The following SCNN1B variants were observed in gnomAD, a reference collection of about 807,000 sequenced individuals.
SCNN1B encodes epithelial sodium channel subunit beta.
SCNN1B carries 46 observed loss-of-function variants against 65.3 expected under a neutral mutation model. That is an observed-to-expected ratio of 0.70 (90% CI 0.56 to 0.90). SCNN1B has a LOEUF of 0.90. SCNN1B is among the 40% of genes least tolerant of loss of function. The pLI is 0.00. For missense variants in SCNN1B, 751 were observed against 830.5 expected (o/e 0.90, Z 1.18); for synonymous variants, 349 against 330.6 (o/e 1.06, Z -0.60).
intron 2 of SCNN1B, among the ~76,000 whole-genome samples, chr16:23,290,083 C>T (rs1325332044): frequency 6.6e-6 from 1 of 152,140 alleles, no homozygotes. Flanking sequence ...AGAACATGCA[C>T]CCAGTAGAAA....
intron 1 of SCNN1B, among the ~76,000 whole-genome samples, chr16:23,320,695 A>T (rs1370468492): frequency 6.6e-6 from 1 of 152,262 alleles, no homozygotes; most frequent in Admixed American, 6.5e-5. Flanking sequence ...AGGAGCTCTC[A>T]CATTAGACAC....
chr16:23,315,821 A>G (rs1004737650), intron 1 of SCNN1B, among the ~76,000 whole-genome samples: 1 of 152,150 alleles, frequency 6.6e-6, no homozygotes, highest in Non-Finnish European at 1.5e-5. Context: ...AAGTACAGGC[A>G]TAGGGAGCAA....
intron 1 of SCNN1B, among the ~76,000 whole-genome samples, chr16:23,309,020 C>T (rs1961280878): frequency 6.6e-6 from 1 of 152,126 alleles, no homozygotes; most frequent in Non-Finnish European, 1.5e-5. Flanking sequence ...GTCTGACTTG[C>T]ACTAGAAGGG....
intron 8 of SCNN1B, 27 bp downstream of exon 8, chr16:23,375,882 C>G (rs201655495): frequency 7.0e-6 from 10 of 1,431,070 alleles, no homozygotes; most frequent in Non-Finnish European, 9.9e-6. Context: ...GGGATCGGCA[C>G]TCCAGCCATC....
chr16:23,362,661 A>C (rs1962576080), intron 4 of SCNN1B, among the ~76,000 whole-genome samples: 1 of 152,204 alleles, frequency 6.6e-6, no homozygotes, highest in Non-Finnish European at 1.5e-5. Flanking sequence ...GAAGAGTATT[A>C]TCAACAAGCA....
At position 23,348,455 on chromosome 16, in the gene SCNN1B, G is replaced by C. The variant is rs1962232997; in HGVS notation, c.-8-137G>C. On this transcript the variant is annotated intron_variant, in intron 1 of 12. Coordinates refer to ENST00000343070, the MANE Select transcript of SCNN1B (RefSeq NM_000336.3). The surrounding 1 kb of genome is among the most constrained non-coding windows in gnomAD (Gnocchi z 4.5). ...AGGAAGGAAGAAAAGAAGGAAAAAA[G>C]GGAGGGAGGGAGGGGGGAGGGTAAA... 1.5e-6 allele frequency: 1 copy of C among 688,488 alleles called. No homozygotes were observed. The highest frequency in any genetic ancestry group is 1.8e-5 in the African/African-American group (1 of 54,260). The allele number at this position is 688,488 out of a possible 1,614,324, so 42.6% of individuals were successfully genotyped here.
chr16:23,346,873 T>C (rs1962201689), intron 1 of SCNN1B, among the ~76,000 whole-genome samples: 1 of 152,060 alleles, frequency 6.6e-6, no homozygotes, highest in Admixed American at 6.6e-5. Flanking sequence ...CATATTTTCA[T>C]GCAGCCAGCC....
At chr16:23,314,595 G>A (rs557292077) in intron 1 of SCNN1B, among the ~76,000 whole-genome samples, 16 of 152,228 alleles carry the variant, frequency 1.1e-4, no homozygotes, top group African/African-American at 2.9e-4. Flanking sequence ...TCTTGGTGTC[G>A]TCTGAGAGGT....
chr16:23,343,475 A>AAAGAAAGGAAGGAAGGAAGGAAGG (rs1962097263), intron 1 of SCNN1B, among the ~76,000 whole-genome samples: 8 of 113,072 alleles, frequency 7.1e-5, no homozygotes, highest in African/African-American at 4.4e-4. Context: ...GAAAAGAAAG[A>AAAGAAAGGAAGGAAGGAAGGAAGG]AAGGAAGGAA....
At chr16:23,299,030 C>CT (rs375830107), upstream of SCNN1B, among the ~76,000 whole-genome samples, 19 of 145,100 alleles carry the variant, frequency 1.3e-4, 1 homozygote, top group African/African-American at 4.3e-4. Context: ...TTGCTATGTT[C>CT]TTTTTTTTGC....
At chr16:23,281,987 T>C (rs1244586291) in intron 1 of SCNN1B, among the ~76,000 whole-genome samples, 1 of 151,830 alleles carries the variant, frequency 6.6e-6, no homozygotes, top group African/African-American at 2.4e-5. Context: ...AGCCCAGGAG[T>C]TCGAGACCAG....
intron 4 of SCNN1B, among the ~76,000 whole-genome samples, chr16:23,366,805 T>C (rs1962678904): frequency 6.6e-6 from 1 of 152,210 alleles, no homozygotes; most frequent in Admixed American, 6.5e-5. Flanking sequence ...ATTACAGGCA[T>C]AAGCCACCGC....
chr16:23,299,059 CTTTTTTTTTTTT>C (rs552336545), upstream of SCNN1B, among the ~76,000 whole-genome samples: 1 of 130,554 alleles, frequency 7.7e-6, no homozygotes, highest in Non-Finnish European at 1.7e-5. Context: ...TTTTCTTTTT[CTTTTTTTTTTTT>C]TTTTTCGAGA....
intron 1 of SCNN1B, among the ~76,000 whole-genome samples, chr16:23,312,706 G>A (rs1225210203): frequency 6.6e-6 from 1 of 152,172 alleles, no homozygotes; most frequent in Non-Finnish European, 1.5e-5. Flanking sequence ...GCAAATGTCT[G>A]AGTGGATGAC....
At chr16:23,300,312 C>T (rs1961055863), upstream of SCNN1B, among the ~76,000 whole-genome samples, 1 of 151,772 alleles carries the variant, frequency 6.6e-6, no homozygotes. Flanking sequence ...GCACGTTCTG[C>T]ACATGTATCC....
At chr16:23,364,448 G>A (rs1962609213) in intron 4 of SCNN1B, among the ~76,000 whole-genome samples, 1 of 152,196 alleles carries the variant, frequency 6.6e-6, no homozygotes, top group Non-Finnish European at 1.5e-5. Flanking sequence ...TGTAGGGAAT[G>A]AGACATAGAA....
chr16:23,373,265 T>C (rs1199252209), intron 7 of SCNN1B, among the ~76,000 whole-genome samples: 1 of 152,220 alleles, frequency 6.6e-6, no homozygotes, highest in Non-Finnish European at 1.5e-5. Flanking sequence ...ACCACAGGCA[T>C]GAGCCACTGT....
At chr16:23,366,601 G>A (rs1427268004) in intron 4 of SCNN1B, among the ~76,000 whole-genome samples, 1 of 152,078 alleles carries the variant, frequency 6.6e-6, no homozygotes, top group East Asian at 1.9e-4. Context: ...GGGTGTGGTG[G>A]CGGGTGCCTG....
At chr16:23,333,210 G>GAAGGAAGGAAGGAAGGAAGA (rs1567300646) in intron 1 of SCNN1B, among the ~76,000 whole-genome samples, 1 of 86,152 alleles carries the variant, frequency 1.2e-5, no homozygotes, top group Non-Finnish European at 2.5e-5. Context: ...AGGAAGGAAG[G>GAAGGAAGGAAGGAAGGAAGA]AAGAAAGAAA....
Sources: allele counts gnomAD v4.1 joint callset (sites outside exome capture counted in the v4.1 genomes callset), GRCh38; gene constraint gnomAD v4.1.1; non-coding constraint Gnocchi (gnomAD v3.1); transcripts MANE v1.5; gene names NCBI Gene and HGNC (gene_info 2026-07-23, HGNC 2026-07-21).